TFDP2: variants seen among roughly 807,000 people sequenced by gnomAD.
TFDP2 encodes the protein transcription factor Dp-2, also known as transcription factor Dp-2 (E2F dimerization partner 2).
Under a neutral mutation model 59.3 loss-of-function variants are expected in TFDP2, and 17 were observed. That is an observed-to-expected ratio of 0.29 (90% CI 0.20 to 0.43). The LOEUF (loss-of-function observed/expected upper bound fraction) is 0.43. Among genes scored for constraint, TFDP2 ranks in the 20% least tolerant of loss-of-function variants. The pLI is 1.00. For synonymous variants in TFDP2, 180 were observed against 194.7 expected, an observed-to-expected ratio of 0.92 and a Z score of 0.63; for missense variants, 391 against 528.8, an observed-to-expected ratio of 0.74 and a Z score of 2.56.
At chr3:142,072,742 A>G (rs565041560) in intron 3 of TFDP2, among the ~76,000 whole-genome samples, 1 of 152,368 alleles carries the variant, frequency 6.6e-6, no homozygotes, top group East Asian at 1.9e-4. Flanking sequence ...TAAAAGTAGT[A>G]TTGGATTATA....
At chr3:142,053,038 G>C (rs1213105916) in intron 3 of TFDP2, among the ~76,000 whole-genome samples, 2 of 152,112 alleles carry the variant, frequency 1.3e-5, no homozygotes, top group Non-Finnish European at 2.9e-5. Context: ...TCGATCTCCT[G>C]GCCTCGTGAT....
At chr3:142,114,959 T>TA (rs886929647) in intron 1 of TFDP2, among the ~76,000 whole-genome samples, 7 of 151,860 alleles carry the variant, frequency 4.6e-5, no homozygotes, top group African/African-American at 1.4e-4. Context: ...AAGCCTTCCA[T>TA]AAAAAAATTC....
At chr3:142,001,522 GAAC>G (rs1173015523) in intron 4 of TFDP2, among the ~76,000 whole-genome samples, 2 of 152,100 alleles carry the variant, frequency 1.3e-5, no homozygotes, top group East Asian at 3.8e-4. Flanking sequence ...TTGTTTTGAT[GAAC>G]AACACCAAGC....
intron 3 of TFDP2, among the ~76,000 whole-genome samples, chr3:142,015,593 C>T (rs1945069618): frequency 6.6e-6 from 1 of 152,284 alleles, no homozygotes; most frequent in East Asian, 1.9e-4. Context: ...TACTCCTCTG[C>T]TAACACTCTG....
At chr3:141,978,339 C>T (rs1384128292) in intron 7 of TFDP2, among the ~76,000 whole-genome samples, 181 bp downstream of exon 7, 2 of 134,228 alleles carry the variant, frequency 1.5e-5, no homozygotes, top group Non-Finnish European at 3.2e-5. Context: ...AGTGAGGTTC[C>T]GCCTAAAAAA....
chr3:141,991,622 G>A lies in TFDP2; in HGVS notation c.356+1916C>T, dbSNP rs143026153. 2.7e-3 allele frequency among the ~76,000 whole-genome samples: 404 copies of A among 152,192 alleles called. 4 individuals are homozygous for A. Among genetic ancestry groups the A allele is most frequent in the African/African-American group, 9.3e-3 (388 of 41,508 alleles). ...CAAATACAAAAATTAGCGGGCACAC[G>A]CCTGTAGTCCCAGCTACTTGGGAGG... On this transcript the variant is annotated intron_variant, in intron 6 of 12. Coordinates refer to ENST00000489671, the MANE Select transcript of TFDP2 (RefSeq NM_001178139.2).
intron 4 of TFDP2, among the ~76,000 whole-genome samples, chr3:141,998,679 T>C (rs1423238192): frequency 6.6e-6 from 1 of 152,150 alleles, no homozygotes; most frequent in Non-Finnish European, 1.5e-5. Flanking sequence ...AATATTCACT[T>C]GATATGCTAA....
intron 7 of TFDP2, among the ~76,000 whole-genome samples, chr3:141,977,836 G>T (rs1032449199): frequency 4.6e-5 from 7 of 151,374 alleles, no homozygotes; most frequent in Admixed American, 4.6e-4. Context: ...TCAGCCTCCT[G>T]AGTAGCTGGG....
chr3:141,983,555 T>C (rs892029279), intron 6 of TFDP2, among the ~76,000 whole-genome samples: 1 of 151,438 alleles, frequency 6.6e-6, no homozygotes, highest in Non-Finnish European at 1.5e-5. Context: ...TGAGAATCAC[T>C]TGAACCTGGG....
rs1173747085 is a variant in TFDP2, at chr3:141,995,148, A to C, written c.187-7T>G. On this transcript the variant is annotated splice_region_variant and splice_polypyrimidine_tract_variant and intron_variant, in intron 4 of 12. Coordinates refer to ENST00000489671, the MANE Select transcript of TFDP2 (RefSeq NM_001178139.2). ...TCTGTGGTGTGCTTATAATCTGTAA[A>C]GTTAGGAACAAAGAATATAATATTC... is the stretch of plus-strand genomic sequence containing the variant. 3.8e-6 allele frequency: 6 copies of C among 1,567,900 alleles called. No homozygotes were observed. The South Asian group carries it at 6.2e-5, about 16-fold the overall frequency.
chr3:142,043,807 C>T (rs991216751), intron 3 of TFDP2: 7 of 1,592,390 alleles, frequency 4.4e-6, no homozygotes, highest in African/African-American at 2.7e-5. Flanking sequence ...CATGAGAATC[C>T]GCTTGTTTTT....
intron 8 of TFDP2, among the ~76,000 whole-genome samples, chr3:141,971,287 C>T (rs1032797180): frequency 6.7e-6 from 1 of 149,100 alleles, no homozygotes; most frequent in East Asian, 2.0e-4. Context: ...TTTGGGAGGC[C>T]GAGGTGGGCG....
At chr3:142,106,346 T>C (rs1246542764) in intron 1 of TFDP2, among the ~76,000 whole-genome samples, 2 of 152,262 alleles carry the variant, frequency 1.3e-5, no homozygotes, top group South Asian at 2.1e-4. Flanking sequence ...TGATAGAGAC[T>C]TTCTTCATTC....
At chr3:142,068,172 T>C (rs2060133092) in intron 3 of TFDP2, among the ~76,000 whole-genome samples, 1 of 152,076 alleles carries the variant, frequency 6.6e-6, no homozygotes, top group African/African-American at 2.4e-5. Flanking sequence ...GGCAATTTAA[T>C]GGAGAAAAGA....
chr3:142,107,620 T>C (rs1348403253), intron 1 of TFDP2, among the ~76,000 whole-genome samples: 1 of 152,166 alleles, frequency 6.6e-6, no homozygotes, highest in East Asian at 1.9e-4. Context: ...GCTTCACATG[T>C]ATATCATATC....
At chr3:142,051,756 T>C (rs1158987589) in intron 3 of TFDP2, among the ~76,000 whole-genome samples, 2 of 152,228 alleles carry the variant, frequency 1.3e-5, no homozygotes, top group African/African-American at 2.4e-5. Flanking sequence ...TGACTGGTTG[T>C]TGCTGGAATG....
intron 6 of TFDP2, among the ~76,000 whole-genome samples, chr3:141,993,134 A>C (rs1204066194): frequency 6.6e-6 from 1 of 151,750 alleles, no homozygotes; most frequent in Non-Finnish European, 1.5e-5. Context: ...CGGGAGGCAG[A>C]GGTTGCAGTG....
intron 2 of TFDP2, among the ~76,000 whole-genome samples, chr3:142,093,721 C>T (rs542894568): frequency 6.6e-6 from 1 of 152,166 alleles, no homozygotes; most frequent in Non-Finnish European, 1.5e-5. Context: ...ATTAATACCA[C>T]AATGCAGAAG....
chr3:142,046,441 A>G (rs183990830), intron 3 of TFDP2, among the ~76,000 whole-genome samples: 1 of 152,278 alleles, frequency 6.6e-6, no homozygotes, highest in African/African-American at 2.4e-5. Flanking sequence ...CCTTCATCAC[A>G]TCTGAAAACG....
Sources: gnomAD v4.1 joint callset for allele counts (sites outside exome capture counted in the v4.1 genomes callset) on GRCh38, gnomAD v4.1.1 for gene constraint, MANE v1.5 for transcripts, NCBI Gene and HGNC (gene_info 2026-07-23, HGNC 2026-07-21) for gene names.